ANK1: variants seen among roughly 807,000 people sequenced by gnomAD.
ANK1 encodes ankyrin-1.
In ANK1, 51 loss-of-function variants were observed where a neutral mutation model predicts 210.4. That is an observed-to-expected ratio of 0.24 (90% CI 0.19 to 0.31). The LOEUF is 0.31. Among genes scored for constraint, ANK1 ranks in the 10% least tolerant of loss-of-function variants. The probability of loss-of-function intolerance (pLI) is 1.00; values close to 1 mark genes in which losing one functional copy is unlikely to be tolerated. For synonymous variants in ANK1, 967 were observed against 1,025.9 expected (o/e 0.94, Z 1.10); for missense variants, 2,051 against 2,504.4 (o/e 0.82, Z 3.86).
intron 1 of ANK1, among the ~76,000 whole-genome samples, chr8:41,834,292 T>A (rs1011467872): frequency 6.6e-6 from 1 of 152,276 alleles, no homozygotes; most frequent in South Asian, 2.1e-4. Context: ...CTGGAGGCAA[T>A]GCCAGCAGAC....
intron 23 of ANK1, among the ~76,000 whole-genome samples, 186 bp from the exon 24 acceptor site, chr8:41,698,307 C>A (rs1016172590): frequency 6.6e-6 from 1 of 152,332 alleles, no homozygotes; most frequent in African/African-American, 2.4e-5. Flanking sequence ...CTGCACTTGT[C>A]GCCCCTTTCT....
chr8:41,664,118 G>A (rs1809524496), intron 39 of ANK1: 1 of 461,850 alleles, frequency 2.2e-6, no homozygotes, highest in South Asian at 1.5e-5. Context: ...CCTTCGACAG[G>A]CAGCATCACC....
chr8:41,820,047 A>G (rs951939226), intron 1 of ANK1, among the ~76,000 whole-genome samples: 25 of 152,356 alleles, frequency 1.6e-4, no homozygotes, highest in Admixed American at 5.2e-4. Flanking sequence ...CAGGAAAACA[A>G]TGACCATCTC....
At chr8:41,795,283 C>T (rs927034066) in intron 1 of ANK1, among the ~76,000 whole-genome samples, 3 of 151,914 alleles carry the variant, frequency 2.0e-5, no homozygotes, top group African/African-American at 7.2e-5. Flanking sequence ...GAGGCTGAAG[C>T]GGGTGGATCA....
Position 41,849,304 on chromosome 8 carries a change from C to T in ANK1, c.126+47051G>A, listed in dbSNP as rs539663926. Reference sequence around the variant, plus strand: ...CCAGTTTATCAACCTCATCCCATGGCAGCTCTTCTTTGGCCTTGGCCTTTG... The same window carrying T: ...CCAGTTTATCAACCTCATCCCATGGTAGCTCTTCTTTGGCCTTGGCCTTTG... On this transcript the variant is annotated intron_variant, in intron 1 of 42. Transcript: ENST00000265709. Among the ~76,000 whole-genome samples, 8 of 152,362 alleles carry T rather than the reference C, an allele frequency of 5.3e-5. No homozygotes were observed. In the South Asian group the frequency reaches 1.4e-3, roughly 28 times the overall value.
Position 41,873,833 on chromosome 8 carries a change from AC to A in ANK1, c.126+22521del, listed in dbSNP as rs1816032272. On this transcript the variant is annotated intron_variant, in intron 1 of 42. Transcript: ENST00000265709. ...AGCACCTTGTGCCTTTGTTGGGGAA[AC>A]CTGGTCACCAGCATGACTGCCTTAT... Among the ~76,000 whole-genome samples, 3 of 152,258 alleles carry A rather than the reference AC, an allele frequency of 2.0e-5. No individual in the cohort carries two copies. The South Asian group carries it at 6.2e-4, about 32-fold the overall frequency.
At position 41,894,475 on chromosome 8, in the gene ANK1, T is replaced by C. The variant is rs1214224492; in HGVS notation, c.126+1880A>G. Among the ~76,000 whole-genome samples, 3 of 152,288 alleles carry C rather than the reference T, an allele frequency of 2.0e-5. No individual in the cohort carries two copies. In the East Asian group the frequency reaches 5.8e-4, roughly 29 times the overall value. Reference sequence around the variant, plus strand: ...GAATATTGAAATCACCGCTTTCACATGTGTGTATTATACATATTTGGAATT... The same window carrying C: ...GAATATTGAAATCACCGCTTTCACACGTGTGTATTATACATATTTGGAATT... On this transcript the variant is annotated intron_variant, in intron 1 of 42. Coordinates refer to the ANK1 transcript ENST00000265709.
chr8:41,771,856 G>T (rs1270436011), intron 1 of ANK1, among the ~76,000 whole-genome samples: 1 of 152,154 alleles, frequency 6.6e-6, no homozygotes, highest in Non-Finnish European at 1.5e-5. Flanking sequence ...GTATAGACAG[G>T]GACTCTGGGA....
intron 25 of ANK1, 22 bp downstream of exon 25, chr8:41,696,654 G>C (rs375705166): frequency 1.2e-6 from 2 of 1,605,980 alleles, no homozygotes; most frequent in East Asian, 4.5e-5. Flanking sequence ...AGGAGTCCCC[G>C]AGCCCTGCGC....
chr8:41,655,725 G>C lies in ANK1; in HGVS notation c.*65C>G, dbSNP rs371153500. The C allele has an allele frequency of 1.2e-6, 2 of 1,613,958 alleles. No homozygotes were observed. The highest frequency in any genetic ancestry group is 2.7e-5 in the African/African-American group (2 of 74,908). On this transcript the variant is annotated 3_prime_UTR_variant, in exon 43 of 43. Transcript: ENST00000289734. ...CTGTGTGCATGGCAGAGTGTGTGGG[G>C]TTCAGGGGTTGGGTGTCGAGGTGTG...
chr8:41,764,288 T>C (rs974556627), intron 1 of ANK1, among the ~76,000 whole-genome samples: 3 of 152,174 alleles, frequency 2.0e-5, no homozygotes, highest in Non-Finnish European at 4.4e-5. Context: ...TTTACCATCG[T>C]GTTCTGCTGA....
intron 1 of ANK1, among the ~76,000 whole-genome samples, chr8:41,856,111 C>T (rs1308810984): frequency 6.6e-6 from 1 of 152,214 alleles, no homozygotes; most frequent in African/African-American, 2.4e-5. Context: ...AGCCCCCAAC[C>T]TTGCTTGAAT....
intron 13 of ANK1, among the ~76,000 whole-genome samples, chr8:41,716,685 G>A (rs1243904209): frequency 2.0e-5 from 3 of 152,208 alleles, no homozygotes; most frequent in African/African-American, 2.4e-5. Flanking sequence ...CATGGCAACT[G>A]TCATCGTTAG....
chr8:41,885,457 T>G (rs1231563598), intron 1 of ANK1, among the ~76,000 whole-genome samples: 1 of 152,186 alleles, frequency 6.6e-6, no homozygotes. Context: ...GATACCATAG[T>G]TAAGTGCAAC....
chr8:41,891,961 G>C (rs188605301), intron 1 of ANK1, among the ~76,000 whole-genome samples: 18 of 152,334 alleles, frequency 1.2e-4, no homozygotes, highest in Admixed American at 9.8e-4. Context: ...ACATACATTA[G>C]TGAAATGGTT....
intron 39 of ANK1, chr8:41,665,075 C>A: frequency 1.3e-6 from 2 of 1,597,040 alleles, no homozygotes; most frequent in Non-Finnish European, 1.7e-6. Flanking sequence ...CCGGCCACCA[C>A]GGGGGGCCTG....
chr8:41,697,372 G>A (rs1354568479), intron 24 of ANK1, among the ~76,000 whole-genome samples: 2 of 152,158 alleles, frequency 1.3e-5, no homozygotes, highest in East Asian at 3.9e-4. Context: ...ACCTAGCCTT[G>A]CTGCTCTCTA....
At chr8:41,657,397 A>T (rs887553243) in intron 42 of ANK1, among the ~76,000 whole-genome samples, 1 of 152,242 alleles carries the variant, frequency 6.6e-6, no homozygotes, top group African/African-American at 2.4e-5. Context: ...TGTGATGTTT[A>T]AAAAAGCTAA....
chr8:41,713,427 G>C (rs575556135), intron 16 of ANK1, among the ~76,000 whole-genome samples: 57 of 152,170 alleles, frequency 3.7e-4, no homozygotes, highest in Non-Finnish European at 7.2e-4. Flanking sequence ...ACCCCGTGGG[G>C]TCTTCCAGAA....
Sources: allele counts gnomAD v4.1 joint callset (sites outside exome capture counted in the v4.1 genomes callset), GRCh38; gene constraint gnomAD v4.1.1; transcripts MANE v1.5; gene names NCBI Gene and HGNC (gene_info 2026-07-23, HGNC 2026-07-21).